The following APPL1 variants were observed in gnomAD, a reference collection of about 807,000 sequenced individuals.
APPL1 encodes adaptor protein, phosphotyrosine interacting with PH domain and leucine zipper 1, also known as DCC-interacting protein 13-alpha.
In APPL1, 42 loss-of-function variants were observed where a neutral mutation model predicts 106.8. The observed-to-expected ratio is 0.39, with a 90% CI of 0.31 to 0.51. The LOEUF is 0.51. Ranked by LOEUF, APPL1 falls within the 20% of genes least tolerant of loss-of-function variation. The pLI, the probability that APPL1 is intolerant of heterozygous loss-of-function variation, is 0.75. For synonymous variants in APPL1, 263 were observed against 281.8 expected, an observed-to-expected ratio of 0.93 and a Z score of 0.67; for missense variants, 769 against 858.2, an observed-to-expected ratio of 0.90 and a Z score of 1.30.
Position 57,269,695 on chromosome 3 carries a change from CT to C in APPL1, c.*12del. The C allele has an allele frequency of 6.2e-7, 1 of 1,613,220 alleles. No homozygotes were observed. The highest frequency in any genetic ancestry group is 8.5e-7 in the Non-Finnish European group (1 of 1,179,546). ...AGAGAATCAGAAGCATAAGCTTATACTTTTGGTAGATATTCCCCCTTGGAAT... is the reference window on the plus strand; with the variant it reads ...AGAGAATCAGAAGCATAAGCTTATACTTTGGTAGATATTCCCCCTTGGAAT... On this transcript the variant is annotated 3_prime_UTR_variant, in exon 22 of 22. Transcript: ENST00000288266.
At position 57,260,621 on chromosome 3, in the gene APPL1, G is replaced by A. The variant is rs762502206; in HGVS notation, c.1696-7G>A. On this transcript the variant is annotated splice_region_variant and splice_polypyrimidine_tract_variant and intron_variant, in intron 18 of 21. Coordinates refer to ENST00000288266, the MANE Select transcript of APPL1 (RefSeq NM_012096.3). ...CTCATGTTTGCTTCTGATGTTTTCTGTGGCAGTTTCCATTACCTTGTGTAG... is the reference window on the plus strand; with the variant it reads ...CTCATGTTTGCTTCTGATGTTTTCTATGGCAGTTTCCATTACCTTGTGTAG... 6.3e-7 allele frequency: 1 copy of A among 1,599,684 alleles called. No homozygotes were observed. Among genetic ancestry groups the A allele is most frequent in the Non-Finnish European group, 8.5e-7 (1 of 1,172,152 alleles).
chr3:57,248,395 G>C (rs2060786300), intron 10 of APPL1, 44 bp downstream of exon 10: 1 of 1,559,168 alleles, frequency 6.4e-7, no homozygotes, highest in Admixed American at 1.9e-5. Context: ...TATCATGTAA[G>C]ACAATACCAA....
At chr3:57,251,578 T>G (rs2060805109) in intron 11 of APPL1, among the ~76,000 whole-genome samples, 1 of 151,962 alleles carries the variant, frequency 6.6e-6, no homozygotes, top group African/African-American at 2.4e-5. Context: ...TCAAAATGGT[T>G]GTTTAATTTC....
intron 18 of APPL1, 61 bp from the exon 19 acceptor site, chr3:57,260,567 A>G: frequency 6.8e-7 from 1 of 1,468,466 alleles, no homozygotes. Flanking sequence ...TGAGTTTGTC[A>G]CAAGTGCTGC....
intron 12 of APPL1, among the ~76,000 whole-genome samples, chr3:57,253,404 A>G (rs2107605394): frequency 6.6e-6 from 1 of 152,106 alleles, no homozygotes; most frequent in South Asian, 2.1e-4. Context: ...ATTCTTACAT[A>G]AATCTACTAA....
rs565149702 is a variant in APPL1 at position 57,260,025 on chromosome 3, T to G, written c.1658+6T>G. ...GTCACTTGTGACTGTTTAAAGTAAGTAAAACCCTCCCTTAAAAAACTGTAG... is the reference window on the plus strand; with the variant it reads ...GTCACTTGTGACTGTTTAAAGTAAGGAAAACCCTCCCTTAAAAAACTGTAG... On this transcript the variant is annotated splice_donor_region_variant and intron_variant, in intron 17 of 21. Transcript: ENST00000288266. The G allele has an allele frequency of 8.7e-6, 14 of 1,611,548 alleles. No individual in the cohort carries two copies. The East Asian group carries it at 2.7e-4, about 31-fold the overall frequency.
Position 57,240,388 on chromosome 3 carries a change from G to C in APPL1, c.286-77G>C. ...AAATATATCAGAACCATTTTTACTA[G>C]ATTATGTTTAATTTACATAACACTG... On this transcript the variant is annotated intron_variant, in intron 4 of 21. Coordinates refer to ENST00000288266, the MANE Select transcript of APPL1 (RefSeq NM_012096.3). 4.5e-6 allele frequency: 5 copies of C among 1,123,428 alleles called. No individual in the cohort carries two copies. In the South Asian group the frequency reaches 6.5e-5, roughly 15 times the overall value. The allele number at this position is 1,123,428 out of a possible 1,614,324, so 69.6% of individuals were successfully genotyped here. A position where few individuals can be genotyped will look rare whatever the true frequency, so the allele number is the denominator to read the frequency against.
At chr3:57,243,065 T>C (rs1043001229) in intron 7 of APPL1, 151 bp downstream of exon 7, 8 of 610,280 alleles carry the variant, frequency 1.3e-5, no homozygotes, top group Non-Finnish European at 2.2e-5. Context: ...TCAAAACCTT[T>C]CTGATAATCA....
chr3:57,242,654 A>T (rs2060752867), intron 6 of APPL1, among the ~76,000 whole-genome samples: 2 of 152,188 alleles, frequency 1.3e-5, no homozygotes, highest in Admixed American at 1.3e-4. Flanking sequence ...CCTTGGAATT[A>T]ATTTTTTAAA....
intron 20 of APPL1, 42 bp from the exon 21 acceptor site, chr3:57,268,356 A>G: frequency 6.8e-7 from 1 of 1,475,122 alleles, no homozygotes. Flanking sequence ...ATTTAAAGTT[A>G]TTTCATATTT....
chr3:57,262,370 T>TC (rs1040707064), intron 19 of APPL1, among the ~76,000 whole-genome samples: 6 of 146,212 alleles, frequency 4.1e-5, no homozygotes, highest in Non-Finnish European at 7.5e-5. Context: ...GTTTTTTTTT[T>TC]CTATGGAAAA....
intron 11 of APPL1, 91 bp from the exon 12 acceptor site, chr3:57,252,178 G>A: frequency 1.0e-6 from 1 of 1,000,702 alleles, no homozygotes; most frequent in Non-Finnish European, 1.5e-6. Flanking sequence ...TTTTATATAT[G>A]CCTTTAACTT....
intron 19 of APPL1, among the ~76,000 whole-genome samples, chr3:57,265,860 A>G (rs952563695): frequency 6.6e-6 from 1 of 152,310 alleles, no homozygotes; most frequent in Admixed American, 6.5e-5. Flanking sequence ...ATGTTGAGCT[A>G]TATTCCTTCT....
At chr3:57,269,446 C>CA (rs2060919322) in intron 21 of APPL1, 95 bp from the exon 22 acceptor site, 1 of 1,127,994 alleles carries the variant, frequency 8.9e-7, no homozygotes, top group African/African-American at 2.4e-5. Flanking sequence ...ATATTTATGA[C>CA]AGAAGAAGTG....
chr3:57,240,747 C>G (rs1025583140), intron 5 of APPL1, among the ~76,000 whole-genome samples, 195 bp downstream of exon 5: 3 of 152,128 alleles, frequency 2.0e-5, no homozygotes, highest in African/African-American at 7.2e-5. Flanking sequence ...GATAAGATAT[C>G]CCCTCTTTTG....
In APPL1 at chr3:57,246,062, CT is replaced by C. The variant is rs779266645; in HGVS notation, c.475-10del. 2.6e-6 allele frequency: 4 copies of C among 1,544,824 alleles called. No homozygotes were observed. The South Asian group carries it at 5.0e-5, about 19-fold the overall frequency. On this transcript the variant is annotated splice_polypyrimidine_tract_variant and intron_variant, in intron 7 of 21. Transcript: ENST00000288266. The stretch of plus-strand genomic sequence containing the variant: ...AGATTATTTACTTAATTATTTAAAT[CT>C]TTTCATTCAAAGGTGAAGTATGAAG...
At chr3:57,265,502 T>G (rs1349720728) in intron 19 of APPL1, among the ~76,000 whole-genome samples, 3 of 151,924 alleles carry the variant, frequency 2.0e-5, no homozygotes, top group Admixed American at 6.6e-5. Context: ...GGGTATTTAA[T>G]TTTATCTGTG....
chr3:57,241,282 A>G (rs2060744922), intron 5 of APPL1, among the ~76,000 whole-genome samples: 2 of 152,126 alleles, frequency 1.3e-5, no homozygotes, highest in Admixed American at 6.6e-5. Context: ...AGGTGTGTGT[A>G]TGGGCCGAAG....
At position 57,249,394 on chromosome 3, in the gene APPL1, C is replaced by G. The variant is rs2060791320; in HGVS notation, c.898C>G (p.Gln300Glu). The stretch of plus-strand genomic sequence containing the variant: ...CTTGGTGTCATCTACCTGGGACAGA[C>G]AGTTTTACTTCACGCAGGGTGGAAA... ...TGLVSSTWDR[Q>E]FYFTQGGNLM... Residue 300 changes from glutamine (Q) to glutamate (E), a missense_variant, in exon 11 of 22, where the codon CAG (glutamine) becomes GAG (glutamate). Gln to Glu is a conservative substitution (Grantham distance 29, BLOSUM62 2). Coordinates refer to ENST00000288266, the MANE Select transcript of APPL1 (RefSeq NM_012096.3). 6.2e-7 allele frequency: 1 copy of G among 1,614,146 alleles called. No homozygotes were observed. Among genetic ancestry groups the G allele is most frequent in the Non-Finnish European group, 8.5e-7 (1 of 1,180,040 alleles).
Sources: gnomAD v4.1 joint callset for allele counts (sites outside exome capture counted in the v4.1 genomes callset) on GRCh38, gnomAD v4.1.1 for gene constraint, MANE v1.5 for transcripts, NCBI Gene and HGNC (gene_info 2026-07-23, HGNC 2026-07-21) for gene names.